LINGO2: variants seen among roughly 807,000 people sequenced by gnomAD.
The protein encoded by LINGO2 is leucine rich repeat and Ig domain containing 2, also known as leucine-rich repeat and immunoglobulin-like domain-containing nogo receptor-interacting protein 2.
Under a neutral mutation model 30.6 loss-of-function variants are expected in LINGO2, and 14 were observed. That is an observed-to-expected ratio of 0.46 (90% CI 0.30 to 0.72). The LOEUF is 0.72. LINGO2 is among the 30% of genes least tolerant of loss of function. The probability of loss-of-function intolerance (pLI) is 0.07; values close to 1 mark genes in which losing one functional copy is unlikely to be tolerated. For missense variants in LINGO2, 729 were observed against 751.7 expected (o/e 0.97, Z 0.35); for synonymous variants, 317 against 288.5 (o/e 1.10, Z -1.00).
At chr9:28,792,913 C>T in the LINGO2 span, among the ~76,000 whole-genome samples, 1 of 152,108 alleles carries the variant, frequency 6.6e-6, no homozygotes, top group Admixed American at 6.6e-5. Flanking sequence ...CTAATAGCCT[C>T]AGGAGATATT....
the LINGO2 span, among the ~76,000 whole-genome samples, chr9:29,105,514 G>A: frequency 6.6e-6 from 1 of 152,126 alleles, no homozygotes; most frequent in South Asian, 2.1e-4. Flanking sequence ...AGTTTACTAA[G>A]ACTCTAAAGA....
chr9:28,199,963 A>G (rs1396894434), intron 4 of LINGO2, among the ~76,000 whole-genome samples: 1 of 151,176 alleles, frequency 6.6e-6, no homozygotes, highest in African/African-American at 2.4e-5. Flanking sequence ...GTTAGCTGAA[A>G]TTCAATTTGA....
the LINGO2 span, among the ~76,000 whole-genome samples, chr9:28,771,665 A>T: frequency 6.6e-6 from 1 of 152,250 alleles, no homozygotes; most frequent in East Asian, 1.9e-4. Flanking sequence ...GGAATAATAA[A>T]ATATCTAATA....
rs117615220 is a variant in LINGO2, at chr9:28,493,896, T to C, written c.-364-17871A>G. Reference sequence around the variant, plus strand: ...GCTGGAAGCTTCCTGCCATCGAACATTGGACTCCAAGTTCTTCAGTTTTGG... The same window carrying C: ...GCTGGAAGCTTCCTGCCATCGAACACTGGACTCCAAGTTCTTCAGTTTTGG... On this transcript the variant is annotated intron_variant, in intron 1 of 5. Transcript: ENST00000379992. Among the ~76,000 whole-genome samples the C allele has an allele frequency of 6.1e-3, 922 of 152,246 alleles. 37 individuals carry two copies. The East Asian group carries it at 0.093, about 15-fold the overall frequency.
At chr9:28,233,969 G>A (rs1233215400) in intron 4 of LINGO2, among the ~76,000 whole-genome samples, 2 of 152,146 alleles carry the variant, frequency 1.3e-5, no homozygotes, top group African/African-American at 4.8e-5. Context: ...CTTGGGCTTT[G>A]AGCTGTGCTG....
chr9:27,989,343 T>C (rs1386186542), intron 5 of LINGO2, among the ~76,000 whole-genome samples: 2 of 151,932 alleles, frequency 1.3e-5, no homozygotes. Context: ...AAATATAAGA[T>C]ACATTCAGAT....
chr9:28,324,926 C>A (rs1199935963), intron 3 of LINGO2, among the ~76,000 whole-genome samples: 1 of 152,062 alleles, frequency 6.6e-6, no homozygotes, highest in Non-Finnish European at 1.5e-5. Flanking sequence ...GATCCAAGGA[C>A]CCTCTCTTGA....
chr9:28,635,593 T>A (rs761066371), intron 1 of LINGO2, among the ~76,000 whole-genome samples: 29 of 152,106 alleles, frequency 1.9e-4, no homozygotes, highest in Non-Finnish European at 4.0e-4. Context: ...ACAGAAGCTA[T>A]CAACATCTGG....
intron 4 of LINGO2, among the ~76,000 whole-genome samples, chr9:28,181,961 T>A (rs1204212487): frequency 6.6e-6 from 1 of 152,110 alleles, no homozygotes; most frequent in African/African-American, 2.4e-5. Flanking sequence ...AGAAACAAAC[T>A]ACTTTAAATT....
intron 4 of LINGO2, among the ~76,000 whole-genome samples, chr9:28,189,696 G>GAA (rs1333870900): frequency 1.3e-5 from 1 of 76,642 alleles, no homozygotes; most frequent in African/African-American, 4.2e-5. Context: ...AGGAAGGAAG[G>GAA]GAGGGAGGAA....
At chr9:28,044,760 T>G (rs942243944) in intron 4 of LINGO2, among the ~76,000 whole-genome samples, 4 of 112,992 alleles carry the variant, frequency 3.5e-5, no homozygotes, top group Non-Finnish European at 7.6e-5. Flanking sequence ...GGCAAGCAGG[T>G]GGGAAGCATG....
At chr9:28,787,668 A>T in the LINGO2 span, among the ~76,000 whole-genome samples, 4 of 152,278 alleles carry the variant, frequency 2.6e-5, no homozygotes, top group South Asian at 8.3e-4. Flanking sequence ...CCTTAGTATG[A>T]TTATTCCTAA....
intron 4 of LINGO2, among the ~76,000 whole-genome samples, chr9:28,158,230 T>A (rs1341091258): frequency 6.6e-6 from 1 of 152,080 alleles, no homozygotes; most frequent in African/African-American, 2.4e-5. Context: ...ATTCCCCTTT[T>A]TAAAACCATC....
chr9:28,771,217 T>G, the LINGO2 span, among the ~76,000 whole-genome samples: 1 of 151,874 alleles, frequency 6.6e-6, no homozygotes, highest in Non-Finnish European at 1.5e-5. Context: ...CATTAAAAGA[T>G]CAACTTCATA....
chr9:28,104,035 A>C (rs778148770), intron 4 of LINGO2, among the ~76,000 whole-genome samples: 2 of 151,918 alleles, frequency 1.3e-5, no homozygotes, highest in African/African-American at 2.4e-5. Context: ...TCTATTACCT[A>C]TTATTTTAAA....
At chr9:28,274,719 CT>C (rs1221319602) in intron 4 of LINGO2, among the ~76,000 whole-genome samples, 2 of 152,080 alleles carry the variant, frequency 1.3e-5, no homozygotes, top group Non-Finnish European at 2.9e-5. Context: ...GAATAGCTTG[CT>C]TTTTCCTAAA....
chr9:28,561,747 G>A (rs868239319), intron 1 of LINGO2, among the ~76,000 whole-genome samples: 10 of 35,848 alleles, frequency 2.8e-4, no homozygotes, highest in African/African-American at 1.1e-3. Flanking sequence ...GTGTGTGTGT[G>A]TGTATATATA....
At chr9:28,624,716 C>T (rs1826580469) in intron 1 of LINGO2, among the ~76,000 whole-genome samples, 1 of 151,196 alleles carries the variant, frequency 6.6e-6, no homozygotes, top group Admixed American at 6.6e-5. Context: ...TTCTCTCCAC[C>T]TCTACTTTTT....
the LINGO2 span, among the ~76,000 whole-genome samples, chr9:28,954,056 T>A: frequency 5.9e-5 from 9 of 152,268 alleles, no homozygotes; most frequent in South Asian, 1.9e-3. Flanking sequence ...GTGTCACACC[T>A]ATGGTAGCAC....
Sources: gnomAD v4.1 joint callset for allele counts (sites outside exome capture counted in the v4.1 genomes callset) on GRCh38, gnomAD v4.1.1 for gene constraint, MANE v1.5 for transcripts, NCBI Gene and HGNC (gene_info 2026-07-23, HGNC 2026-07-21) for gene names.